PCDH9: variants seen among roughly 807,000 people sequenced by gnomAD.
The protein encoded by PCDH9 is protocadherin-9.
In PCDH9, 24 loss-of-function variants were observed where a neutral mutation model predicts 70.6. The observed-to-expected ratio is 0.34, with a 90% CI of 0.25 to 0.48. The LOEUF is 0.48. Among genes scored for constraint, PCDH9 ranks in the 20% least tolerant of loss-of-function variants. The pLI, the probability that PCDH9 is intolerant of heterozygous loss-of-function variation, is 0.99. For synonymous variants in PCDH9, 562 were observed against 558.5 expected (o/e 1.01, Z -0.09); for missense variants, 1,281 against 1,503.6 (o/e 0.85, Z 2.45).
At chr13:66,873,965 G>A (rs1201919130) in intron 3 of PCDH9, among the ~76,000 whole-genome samples, 87 of 113,660 alleles carry the variant, frequency 7.7e-4, no homozygotes, top group African/African-American at 2.5e-3. Flanking sequence ...ATGAGATAGC[G>A]TCTCACTGTG....
rs146997094 is a variant in PCDH9, at chr13:66,706,706, G to A, written c.3139-75295C>T. On this transcript the variant is annotated intron_variant, in intron 3 of 4. Coordinates refer to ENST00000377865, the MANE Select transcript of PCDH9 (RefSeq NM_203487.3). ...AGGGGAAGGCTATGAAAGACAAGAG[G>A]CCAGCATTGGTTTTATTCTTTGCCC... 7.4e-4 allele frequency among the ~76,000 whole-genome samples: 113 copies of A among 152,024 alleles called. 1 individual carries two copies. The highest frequency in any genetic ancestry group is 2.6e-3 in the African/African-American group (109 of 41,306).
intron 3 of PCDH9, among the ~76,000 whole-genome samples, chr13:66,873,295 G>C (rs1227080700): frequency 6.6e-6 from 1 of 151,940 alleles, no homozygotes; most frequent in Admixed American, 6.6e-5. Flanking sequence ...AATTATAGGG[G>C]GAATGACATT....
chr13:66,830,982 C>G lies in PCDH9; in HGVS notation c.3138+72522G>C, dbSNP rs1566225272. On this transcript the variant is annotated intron_variant, in intron 3 of 4. Transcript: ENST00000377865. ...TAATAGAAAACACATAAAATGTGAA[C>G]AGCTGCAGTTATTAAAAATATCCCT... 3.3e-5 allele frequency among the ~76,000 whole-genome samples: 5 copies of G among 152,144 alleles called. No homozygotes were observed. The South Asian group carries it at 1.0e-3, about 31-fold the overall frequency.
intron 2 of PCDH9, among the ~76,000 whole-genome samples, chr13:66,991,930 A>G (rs1335105625): frequency 6.6e-6 from 1 of 152,274 alleles, no homozygotes; most frequent in East Asian, 1.9e-4. Flanking sequence ...GTAGATAAAG[A>G]TAGATTATTG....
chr13:66,663,812 T>C (rs1400904137), intron 3 of PCDH9, among the ~76,000 whole-genome samples: 2 of 152,198 alleles, frequency 1.3e-5, no homozygotes, highest in Admixed American at 6.5e-5. Flanking sequence ...GAAGGTTCCA[T>C]GGAATCCTTT....
intron 2 of PCDH9, among the ~76,000 whole-genome samples, chr13:66,968,801 G>A (rs1220872165): frequency 2.0e-5 from 3 of 151,836 alleles, no homozygotes; most frequent in Admixed American, 1.3e-4. Context: ...TATGTTTTAG[G>A]AGCCACAAAT....
intron 4 of PCDH9, among the ~76,000 whole-genome samples, chr13:66,395,329 G>A (rs76064149): frequency 0.023 from 3,529 of 152,216 alleles, 132 homozygotes; most frequent in African/African-American, 0.081. Context: ...TTGGCCGGGC[G>A]TGGTGGCTCA....
At chr13:67,197,522 G>T (rs960196708) in intron 2 of PCDH9, among the ~76,000 whole-genome samples, 1 of 152,046 alleles carries the variant, frequency 6.6e-6, no homozygotes, top group Admixed American at 6.6e-5. Context: ...AGGGCCACAG[G>T]CTCCGGGAAG....
chr13:67,162,548 CA>C (rs1324253800), intron 2 of PCDH9, among the ~76,000 whole-genome samples: 2 of 152,164 alleles, frequency 1.3e-5, no homozygotes, highest in African/African-American at 4.8e-5. Context: ...ATCTGATCAC[CA>C]GAAGAAATTC....
chr13:67,181,874 C>T (rs1390479261), intron 2 of PCDH9, among the ~76,000 whole-genome samples: 2 of 152,202 alleles, frequency 1.3e-5, no homozygotes, highest in African/African-American at 4.8e-5. Context: ...CCTCGTGCCT[C>T]CTCAGCAACA....
At chr13:66,467,438 T>G (rs1389347756) in intron 4 of PCDH9, among the ~76,000 whole-genome samples, 1 of 152,022 alleles carries the variant, frequency 6.6e-6, no homozygotes. Flanking sequence ...TCTCAAACTT[T>G]TAATACTTTC....
intron 4 of PCDH9, among the ~76,000 whole-genome samples, chr13:66,338,298 C>T (rs1295468867): frequency 6.6e-6 from 1 of 152,064 alleles, no homozygotes; most frequent in Non-Finnish European, 1.5e-5. Context: ...CTTCCTGAAT[C>T]ATGTGCACTG....
At chr13:66,577,536 A>T (rs144341917) in intron 4 of PCDH9, among the ~76,000 whole-genome samples, 1 of 152,098 alleles carries the variant, frequency 6.6e-6, no homozygotes, top group African/African-American at 2.4e-5. Flanking sequence ...TATTTTGGAG[A>T]TTAGTCATTG....
rs983981235 is a variant in PCDH9, at chr13:66,413,542, C to T, written c.3341-108514G>A. Among the ~76,000 whole-genome samples, 23 of 151,840 alleles carry T rather than the reference C, an allele frequency of 1.5e-4. No homozygotes were observed. The South Asian group carries it at 2.9e-3, about 19-fold the overall frequency. On this transcript the variant is annotated intron_variant, in intron 4 of 4. Transcript: ENST00000377865. ...TCTACCAAAAACACAAAAAATTAGC[C>T]GGGCATGGTGGTGGGCGCCTGTAGT...
At chr13:66,305,385 C>T (rs570030094) in intron 4 of PCDH9, among the ~76,000 whole-genome samples, 123 of 151,594 alleles carry the variant, frequency 8.1e-4, no homozygotes, top group African/African-American at 2.5e-3. Context: ...TCTAAGAAAT[C>T]CCAGAAAAAA....
intron 4 of PCDH9, among the ~76,000 whole-genome samples, chr13:66,352,262 T>C (rs1740670958): frequency 6.6e-6 from 1 of 150,750 alleles, no homozygotes; most frequent in Non-Finnish European, 1.5e-5. Context: ...CAAAGATACC[T>C]CTTTTGTTCC....
At chr13:66,597,180 C>A (rs1163469054) in intron 4 of PCDH9, among the ~76,000 whole-genome samples, 1 of 151,620 alleles carries the variant, frequency 6.6e-6, no homozygotes, top group African/African-American at 2.4e-5. Context: ...TTAAAAATAT[C>A]CACACTACCC....
At chr13:66,739,411 G>C (rs1479415413) in intron 3 of PCDH9, among the ~76,000 whole-genome samples, 1 of 151,182 alleles carries the variant, frequency 6.6e-6, no homozygotes, top group East Asian at 2.0e-4. Context: ...AGACCATAGA[G>C]ACTAGGAAGA....
At chr13:67,053,968 T>C (rs1039066756) in intron 2 of PCDH9, among the ~76,000 whole-genome samples, 3 of 152,194 alleles carry the variant, frequency 2.0e-5, no homozygotes, top group South Asian at 4.1e-4. Flanking sequence ...TTCTCTATTA[T>C]GAAATGCTCT....
Sources: allele counts gnomAD v4.1 joint callset (sites outside exome capture counted in the v4.1 genomes callset), GRCh38; gene constraint gnomAD v4.1.1; transcripts MANE v1.5; gene names NCBI Gene and HGNC (gene_info 2026-07-23, HGNC 2026-07-21).